MGMT: variants seen among roughly 807,000 people sequenced by gnomAD.
MGMT encodes O-6-methylguanine-DNA methyltransferase, also known as methylated-DNA--protein-cysteine methyltransferase.
MGMT carries 14 observed loss-of-function variants against 15.9 expected under a neutral mutation model. That is an observed-to-expected ratio of 0.88 (90% CI 0.58 to 1.37). MGMT has a LOEUF of 1.37. Among genes scored for constraint, MGMT ranks in the 40% most tolerant of loss-of-function variants. The pLI is 0.00. For missense variants in MGMT, 282 were observed against 268.1 expected, an observed-to-expected ratio of 1.05 and a Z score of -0.36; for synonymous variants, 130 against 118.2, an observed-to-expected ratio of 1.10 and a Z score of -0.65.
intron 2 of MGMT, 49 bp downstream of exon 2, chr10:129,536,426 C>A: frequency 6.3e-7 from 1 of 1,586,878 alleles, no homozygotes; most frequent in Non-Finnish European, 8.6e-7. Flanking sequence ...CTGAAGCAAC[C>A]GAGGAGTATA....
intron 2 of MGMT, among the ~76,000 whole-genome samples, chr10:129,546,176 A>C (rs930743500): frequency 6.6e-6 from 1 of 152,212 alleles, no homozygotes; most frequent in Non-Finnish European, 1.5e-5. Context: ...CAGGCCCTGC[A>C]TGGGGTGGGG....
intron 1 of MGMT, among the ~76,000 whole-genome samples, chr10:129,493,784 G>T (rs1032261891): frequency 2.0e-5 from 3 of 152,222 alleles, no homozygotes; most frequent in Middle Eastern, 3.4e-3. Flanking sequence ...CCTTCAATCT[G>T]GGAAGCAGCC....
intron 3 of MGMT, among the ~76,000 whole-genome samples, chr10:129,714,525 C>T (rs1304025163): frequency 1.3e-5 from 2 of 152,174 alleles, no homozygotes; most frequent in Non-Finnish European, 2.9e-5. Context: ...CTAGACATTT[C>T]ATTTATAATA....
At chr10:129,734,753 G>A (rs1848541122) in intron 3 of MGMT, among the ~76,000 whole-genome samples, 1 of 152,130 alleles carries the variant, frequency 6.6e-6, no homozygotes, top group African/African-American at 2.4e-5. Flanking sequence ...CTAATTTATT[G>A]AGAGTTTTTA....
At chr10:129,653,345 C>T (rs894637416) in intron 2 of MGMT, among the ~76,000 whole-genome samples, 2 of 152,198 alleles carry the variant, frequency 1.3e-5, no homozygotes, top group Non-Finnish European at 2.9e-5. Context: ...GATCATTTTC[C>T]ACCCCCTCAG....
chr10:129,549,815 G>A (rs574069907), intron 2 of MGMT, among the ~76,000 whole-genome samples: 5 of 152,270 alleles, frequency 3.3e-5, no homozygotes, highest in African/African-American at 7.2e-5. Flanking sequence ...AGCCCAAAGC[G>A]TTACGGGGAT....
intron 2 of MGMT, among the ~76,000 whole-genome samples, chr10:129,588,839 G>A (rs145218788): frequency 3.3e-5 from 5 of 152,356 alleles, no homozygotes; most frequent in Non-Finnish European, 5.9e-5. Flanking sequence ...CACTTACCAC[G>A]TTGAATATTG....
Position 129,710,597 on chromosome 10 carries a change from T to TG in MGMT, c.274+2556dup, listed in dbSNP as rs1414179586. On this transcript the variant is annotated intron_variant, in intron 3 of 4. Coordinates refer to ENST00000651593, the MANE Select transcript of MGMT (RefSeq NM_002412.5). Reference sequence around the variant, plus strand: ...TGTTTGAAGAAGGGGAGGTGGATGGTGGATGGTTGCTAACAGGGAGTTAAT... The same window carrying TG: ...TGTTTGAAGAAGGGGAGGTGGATGGTGGGATGGTTGCTAACAGGGAGTTAAT... Among the ~76,000 whole-genome samples the TG allele has an allele frequency of 5.3e-5, 8 of 152,300 alleles. No homozygotes were observed. The Middle Eastern group carries it at 0.014, about 259-fold the overall frequency.
chr10:129,724,357 AG>A (rs780565032), intron 3 of MGMT, among the ~76,000 whole-genome samples: 61 of 152,324 alleles, frequency 4.0e-4, no homozygotes, highest in Non-Finnish European at 7.3e-4. Flanking sequence ...GATAGGGAAA[AG>A]TTAGAAGAGG....
chr10:129,470,696 G>T (rs1013389456), intron 1 of MGMT, among the ~76,000 whole-genome samples: 1 of 152,150 alleles, frequency 6.6e-6, no homozygotes, highest in East Asian at 1.9e-4. Flanking sequence ...TGAATAGGCC[G>T]CCCTGGGAGC....
intron 2 of MGMT, among the ~76,000 whole-genome samples, chr10:129,618,575 C>CGCAAATAGA (rs1847055067): frequency 6.6e-6 from 1 of 151,972 alleles, no homozygotes; most frequent in East Asian, 1.9e-4. Flanking sequence ...ATCTATAGAT[C>CGCAAATAGA]TATTTGCAGA....
intron 2 of MGMT, among the ~76,000 whole-genome samples, chr10:129,576,229 C>A (rs888526687): frequency 2.6e-5 from 4 of 152,080 alleles, no homozygotes; most frequent in African/African-American, 9.7e-5. Context: ...AGAGACACAA[C>A]CAAAAAAGAG....
chr10:129,735,007 T>C (rs1234348127), intron 3 of MGMT, among the ~76,000 whole-genome samples: 1 of 152,132 alleles, frequency 6.6e-6, no homozygotes, highest in Non-Finnish European at 1.5e-5. Context: ...ATTAAGGATA[T>C]TGGTCTAAAA....
At chr10:129,756,483 T>G (rs573162418) in intron 3 of MGMT, among the ~76,000 whole-genome samples, 1 of 152,120 alleles carries the variant, frequency 6.6e-6, no homozygotes, top group Non-Finnish European at 1.5e-5. Flanking sequence ...TGTTTTTTGT[T>G]TTTTGAGACG....
At position 129,708,186 on chromosome 10, in the gene MGMT, G is replaced by A. The variant is rs956484197; in HGVS notation, c.274+143G>A. 5.7e-5 allele frequency: 66 copies of A among 1,162,534 alleles called. 1 individual carries two copies. In the African/African-American group the frequency reaches 8.3e-4, roughly 15 times the overall value. The allele number at this position is 1,162,534 out of a possible 1,614,324, so 72.0% of individuals were successfully genotyped here. A position where few individuals can be genotyped will look rare whatever the true frequency, so the allele number is the denominator to read the frequency against. ...AGAGGCAGCGTTTGGCCGAGCTGGA[G>A]GGACGGGGGTTCGCCGCCTCCACCC... is the stretch of plus-strand genomic sequence containing the variant. On this transcript the variant is annotated intron_variant, in intron 3 of 4. Transcript: ENST00000651593.
intron 2 of MGMT, among the ~76,000 whole-genome samples, chr10:129,640,196 C>G (rs760363133): frequency 2.0e-5 from 3 of 151,130 alleles, no homozygotes; most frequent in Non-Finnish European, 2.9e-5. Flanking sequence ...CTCCCGGGTT[C>G]AAGTGATTCT....
chr10:129,724,457 A>G (rs146134709), intron 3 of MGMT, among the ~76,000 whole-genome samples: 2 of 152,318 alleles, frequency 1.3e-5, no homozygotes, highest in East Asian at 3.9e-4. Flanking sequence ...TCTATATCTT[A>G]ACAGGTTAGG....
intron 2 of MGMT, among the ~76,000 whole-genome samples, chr10:129,707,528 G>T (rs1395460668): frequency 6.6e-6 from 1 of 152,188 alleles, no homozygotes; most frequent in Non-Finnish European, 1.5e-5. Flanking sequence ...GGTGGGCCGT[G>T]TGGTGCAGTC....
In MGMT at chr10:129,474,845, G is replaced by A. The variant is rs536277219; in HGVS notation, c.-13+7549G>A. On this transcript the variant is annotated intron_variant, in intron 1 of 4. Coordinates refer to ENST00000651593, the MANE Select transcript of MGMT (RefSeq NM_002412.5). ...GTGCCCCTGGGCAGCAGAGATTGACGAGGGTGGCTGGGCTTCCTCCGGGCC... is the reference window on the plus strand; with the variant it reads ...GTGCCCCTGGGCAGCAGAGATTGACAAGGGTGGCTGGGCTTCCTCCGGGCC... Among the ~76,000 whole-genome samples, 13 of 152,294 alleles carry A rather than the reference G, an allele frequency of 8.5e-5. No individual in the cohort carries two copies. The East Asian group carries it at 2.1e-3, about 25-fold the overall frequency.
Sources: gnomAD v4.1 joint callset for allele counts (sites outside exome capture counted in the v4.1 genomes callset) on GRCh38, gnomAD v4.1.1 for gene constraint, MANE v1.5 for transcripts, NCBI Gene and HGNC (gene_info 2026-07-23, HGNC 2026-07-21) for gene names.